CNTRL: variants seen among roughly 807,000 people sequenced by gnomAD.
CNTRL encodes 110 kDa centrosomal protein.
CNTRL carries 233 observed loss-of-function variants against 303.7 expected under a neutral mutation model. The ratio of observed to expected loss-of-function variants is 0.77; its 90% CI spans 0.69 to 0.86. The LOEUF (loss-of-function observed/expected upper bound fraction) is 0.86, where lower values mean the gene tolerates loss of function less well. Among genes scored for constraint, CNTRL ranks in the 40% least tolerant of loss-of-function variants. CNTRL has a pLI of 0.00. For synonymous variants in CNTRL, 900 were observed against 922.2 expected (o/e 0.98, Z 0.44); for missense variants, 2,524 against 2,650.6 (o/e 0.95, Z 1.05).
intron 7 of CNTRL, among the ~76,000 whole-genome samples, chr9:121,104,474 T>A (rs566610607): frequency 6.6e-6 from 1 of 152,068 alleles, no homozygotes; most frequent in Non-Finnish European, 1.5e-5. Flanking sequence ...TGTATACATA[T>A]GTAACCTGCA....
chr9:121,160,105 G>A (rs1437937540), intron 31 of CNTRL, 38 bp from the exon 32 acceptor site: 3 of 1,368,438 alleles, frequency 2.2e-6, no homozygotes, highest in Non-Finnish European at 2.9e-6. Context: ...TTCATTTACA[G>A]TCACAGGAGG....
At chr9:121,079,436 G>T (rs949286136) in intron 1 of CNTRL, among the ~76,000 whole-genome samples, 2 of 152,192 alleles carry the variant, frequency 1.3e-5, no homozygotes, top group Admixed American at 6.5e-5. Flanking sequence ...GGGAGGTAGA[G>T]GTGGGAGGAT....
At chr9:121,087,712 T>TA (rs1242054789) in intron 2 of CNTRL, among the ~76,000 whole-genome samples, 1 of 151,948 alleles carries the variant, frequency 6.6e-6, no homozygotes, top group African/African-American at 2.4e-5. Flanking sequence ...AAAAATTAAA[T>TA]AGAGTAAACA....
Position 121,133,019 on chromosome 9 carries a change from C to T in CNTRL, c.2026-2787C>T, listed in dbSNP as rs1240790721. Among the ~76,000 whole-genome samples, 4 of 152,142 alleles carry T rather than the reference C, an allele frequency of 2.6e-5. No individual in the cohort carries two copies. The East Asian group carries it at 7.7e-4, about 29-fold the overall frequency. On this transcript the variant is annotated intron_variant, in intron 14 of 43. Transcript: ENST00000373855. Reference sequence around the variant, plus strand: ...AATCCTTCCTCTGGAAGCTTCTTCCCAGAGGGGCACCCGCCTGTATGATGT... The same window carrying T: ...AATCCTTCCTCTGGAAGCTTCTTCCTAGAGGGGCACCCGCCTGTATGATGT...
chr9:121,087,517 C>A (rs2048391787), intron 2 of CNTRL, among the ~76,000 whole-genome samples: 1 of 151,982 alleles, frequency 6.6e-6, no homozygotes, highest in African/African-American at 2.4e-5. Context: ...ATGGCGAAAC[C>A]CCATCTCTAC....
chr9:121,099,867 T>TA (rs995335228), intron 7 of CNTRL, among the ~76,000 whole-genome samples: 11 of 148,404 alleles, frequency 7.4e-5, no homozygotes, highest in East Asian at 2.0e-4. Flanking sequence ...GAAAAAAGAG[T>TA]AAAAAAAAAT....
At chr9:121,153,163 T>G (rs1309025156) in intron 26 of CNTRL, among the ~76,000 whole-genome samples, 1 of 152,214 alleles carries the variant, frequency 6.6e-6, no homozygotes. Context: ...TTAATTAGTC[T>G]CATCCTAGCG....
At position 121,107,995 on chromosome 9, in the gene CNTRL, G is replaced by A; in HGVS notation, c.1002G>A (p.Leu334=). Residue 334 remains leucine, a splice_region_variant and synonymous_variant, in exon 8 of 44, where the codon TTG becomes TTA. Coordinates refer to ENST00000373855, the MANE Select transcript of CNTRL (RefSeq NM_007018.6). The part of the protein sequence containing the change: ...LKSDLNTKNE[L]LKQKTIELTR... ...GTGACTTAAACACAAAAAATGAATT[G>A]GTAAGTTCATATTTTACATTGCTTT... 6.4e-7 allele frequency: 1 copy of A among 1,564,888 alleles called. No individual in the cohort carries two copies. The highest frequency in any genetic ancestry group is 8.6e-7 in the Non-Finnish European group (1 of 1,159,582).
intron 36 of CNTRL, 87 bp from the exon 37 acceptor site, chr9:121,167,402 T>C: frequency 9.7e-6 from 10 of 1,028,256 alleles, no homozygotes; most frequent in Middle Eastern, 4.2e-4. Context: ...TCTCGTTCTG[T>C]CAGACTTAGT....
At chr9:121,092,674 A>AG (rs1564195084) in intron 4 of CNTRL, among the ~76,000 whole-genome samples, 1 of 29,748 alleles carries the variant, frequency 3.4e-5, no homozygotes, top group Non-Finnish European at 6.0e-5. Flanking sequence ...CTATATATAT[A>AG]ATATATATCT....
At chr9:121,079,303 G>C (rs2048049380) in intron 1 of CNTRL, among the ~76,000 whole-genome samples, 1 of 152,084 alleles carries the variant, frequency 6.6e-6, no homozygotes, top group African/African-American at 2.4e-5. Flanking sequence ...GAGTTTTTCT[G>C]ATCCATATGT....
At chr9:121,129,592 T>G (rs2050739534) in intron 14 of CNTRL, among the ~76,000 whole-genome samples, 1 of 152,206 alleles carries the variant, frequency 6.6e-6, no homozygotes, top group Non-Finnish European at 1.5e-5. Context: ...TGAGACAATT[T>G]GACTTCCTCT....
At chr9:121,175,871 T>A (rs2053503883) in intron 43 of CNTRL, among the ~76,000 whole-genome samples, 1 of 152,222 alleles carries the variant, frequency 6.6e-6, no homozygotes, top group South Asian at 2.1e-4. Context: ...GAGGCCAATA[T>A]GAGTCCTAGT....
chr9:121,174,691 T>A (rs1296187370), intron 42 of CNTRL, among the ~76,000 whole-genome samples: 1 of 152,152 alleles, frequency 6.6e-6, no homozygotes, highest in African/African-American at 2.4e-5. Flanking sequence ...AAGTATAAAC[T>A]GATCTTCTCA....
rs764423130 is a variant in CNTRL, at chr9:121,154,902, A to G, written c.4354A>G (p.Thr1452Ala). ...LAEAESELSC[T>A]KEKTKNAVEK... ...AGAGGCTGAGAGTGAACTTTCATGC[A>G]CTAAAGAAAAGGTTTGTCTTCTTGT... Residue 1452 changes from threonine (T) to alanine (A), a missense_variant, in exon 27 of 44, where the codon ACT becomes GCT. Transcript: ENST00000373855. 3 of 1,614,036 alleles carry G rather than the reference A, an allele frequency of 1.9e-6. No individual in the cohort carries two copies. Among genetic ancestry groups the G allele is most frequent in the African/African-American group, 1.3e-5 (1 of 74,930 alleles).
chr9:121,078,264 C>G (rs186426819), intron 1 of CNTRL, among the ~76,000 whole-genome samples: 6 of 152,136 alleles, frequency 3.9e-5, no homozygotes, highest in African/African-American at 1.2e-4. Flanking sequence ...AAAAATTAGC[C>G]GGGCGTGGTG....
chr9:121,113,173 A>G (rs1472661189), intron 9 of CNTRL, among the ~76,000 whole-genome samples: 1 of 152,176 alleles, frequency 6.6e-6, no homozygotes, highest in East Asian at 1.9e-4. Context: ...CAAGAAACCA[A>G]AATAAAACAC....
intron 7 of CNTRL, among the ~76,000 whole-genome samples, chr9:121,107,196 A>G (rs1488549811): frequency 6.6e-6 from 1 of 152,154 alleles, no homozygotes; most frequent in African/African-American, 2.4e-5. Context: ...AGGATGCAAA[A>G]TAGCCCAGTA....
At chr9:121,106,063 G>C (rs1323908310) in intron 7 of CNTRL, among the ~76,000 whole-genome samples, 3 of 152,108 alleles carry the variant, frequency 2.0e-5, no homozygotes, top group African/African-American at 7.2e-5. Flanking sequence ...TGGAGGCCGG[G>C]TGTAGCTGTT....
Sources: gnomAD v4.1 joint callset for allele counts (sites outside exome capture counted in the v4.1 genomes callset) on GRCh38, gnomAD v4.1.1 for gene constraint, MANE v1.5 for transcripts, NCBI Gene and HGNC (gene_info 2026-07-23, HGNC 2026-07-21) for gene names.